The following HTR2A variants were observed in gnomAD, a reference collection of about 807,000 sequenced individuals.
HTR2A encodes the protein 5-hydroxytryptamine receptor 2A.
Under a neutral mutation model 31.0 loss-of-function variants are expected in HTR2A, and 14 were observed. The observed-to-expected ratio is 0.45, with a 90% CI of 0.30 to 0.71. The LOEUF is 0.71. HTR2A is among the 30% of genes least tolerant of loss of function. The pLI is 0.09. For missense variants in HTR2A, 442 were observed against 573.3 expected, an observed-to-expected ratio of 0.77 and a Z score of 2.34; for synonymous variants, 209 against 225.2, an observed-to-expected ratio of 0.93 and a Z score of 0.64.
At chr13:46,875,601 T>G (rs183581076) in intron 3 of HTR2A, among the ~76,000 whole-genome samples, 97 of 152,308 alleles carry the variant, frequency 6.4e-4, no homozygotes, top group Non-Finnish European at 1.1e-3. Flanking sequence ...AAAGCTATTA[T>G]AGACCCTTAA....
At chr13:46,841,886 C>T (rs1950600352) in intron 3 of HTR2A, among the ~76,000 whole-genome samples, 1 of 152,036 alleles carries the variant, frequency 6.6e-6, no homozygotes, top group South Asian at 2.1e-4. Context: ...ATTTCAGCCC[C>T]CAGACAATAT....
chr13:46,875,805 C>G (rs753973195), intron 3 of HTR2A, among the ~76,000 whole-genome samples: 1 of 152,192 alleles, frequency 6.6e-6, no homozygotes, highest in Non-Finnish European at 1.5e-5. Context: ...TCCAAAGTGG[C>G]TCTCCAAAAG....
intron 3 of HTR2A, among the ~76,000 whole-genome samples, chr13:46,844,563 C>T (rs1361765422): frequency 1.3e-5 from 2 of 152,194 alleles, no homozygotes; most frequent in African/African-American, 4.8e-5. Flanking sequence ...CGCTGTAGAA[C>T]ATGGTGCCTA....
intron 3 of HTR2A, among the ~76,000 whole-genome samples, chr13:46,888,594 A>C (rs192416957): frequency 6.6e-6 from 1 of 152,346 alleles, no homozygotes; most frequent in Non-Finnish European, 1.5e-5. Flanking sequence ...ATTCTAGAGG[A>C]AATTCTTCAG....
At chr13:46,836,221 C>T (rs1274096470) in intron 3 of HTR2A, among the ~76,000 whole-genome samples, 2 of 151,608 alleles carry the variant, frequency 1.3e-5, no homozygotes, top group South Asian at 2.1e-4. Context: ...ACAAGCATGG[C>T]TTATATATAA....
chr13:46,845,106 A>C (rs1950630988), intron 3 of HTR2A, among the ~76,000 whole-genome samples: 1 of 152,210 alleles, frequency 6.6e-6, no homozygotes, highest in Non-Finnish European at 1.5e-5. Flanking sequence ...CCCAAGTTCA[A>C]TATAATCATG....
At chr13:46,897,443 T>G (rs1235588414), upstream of HTR2A, among the ~76,000 whole-genome samples, 5 of 152,186 alleles carry the variant, frequency 3.3e-5, no homozygotes, top group Admixed American at 2.6e-4. Context: ...TGGTGATAAC[T>G]CTGATAAACT....
chr13:46,856,610 A>C (rs140159845), intron 3 of HTR2A, among the ~76,000 whole-genome samples: 2 of 152,008 alleles, frequency 1.3e-5, no homozygotes, highest in African/African-American at 4.8e-5. Flanking sequence ...AAAAAAATAC[A>C]AAAAAACACT....
rs1361889395 is a variant in HTR2A at position 46,833,995 on chromosome 13, C to T, written c.*842G>A. The stretch of plus-strand genomic sequence containing the variant: ...CATGCATGATGCAGTCATTTCACAG[C>T]AAGTTACCAAATACCTCGATAGTGC... On this transcript the variant is annotated 3_prime_UTR_variant, in exon 4 of 4. Transcript: ENST00000542664. The T allele has an allele frequency of 6.6e-6, 1 of 152,226 alleles. No individual in the cohort carries two copies. The allele number at this position is 152,226 out of a possible 1,614,324, so 9.4% of individuals were successfully genotyped here. A position where few individuals can be genotyped will look rare whatever the true frequency, so the allele number is the denominator to read the frequency against.
At chr13:46,855,830 G>A (rs922309633) in intron 3 of HTR2A, among the ~76,000 whole-genome samples, 34 of 152,186 alleles carry the variant, frequency 2.2e-4, no homozygotes, top group African/African-American at 8.2e-4. Flanking sequence ...GTTTAATGTG[G>A]TGTATTGTGT....
chr13:46,861,016 T>G (rs555294417), intron 3 of HTR2A, among the ~76,000 whole-genome samples: 13 of 152,218 alleles, frequency 8.5e-5, no homozygotes, highest in Admixed American at 2.6e-4. Flanking sequence ...AAAAGGTTGA[T>G]TACTTAAAAT....
chr13:46,890,902 G>T (rs12584920), intron 3 of HTR2A, among the ~76,000 whole-genome samples: 22,430 of 152,190 alleles, frequency 0.15, 2,131 homozygotes, highest in Non-Finnish European at 0.2. Flanking sequence ...AATTAAATCA[G>T]AATGTTCCCA....
intron 3 of HTR2A, among the ~76,000 whole-genome samples, chr13:46,865,752 A>AT (rs1950813918): frequency 6.6e-6 from 1 of 152,260 alleles, no homozygotes; most frequent in Admixed American, 6.5e-5. Flanking sequence ...TCTATTGGAC[A>AT]ACACAGAACT....
intron 3 of HTR2A, among the ~76,000 whole-genome samples, chr13:46,886,975 C>A (rs907523970): frequency 3.3e-5 from 5 of 152,136 alleles, no homozygotes; most frequent in Non-Finnish European, 5.9e-5. Flanking sequence ...TTATAAGAAC[C>A]TTGCCTTAAA....
At chr13:46,869,475 G>A (rs544977167) in intron 3 of HTR2A, among the ~76,000 whole-genome samples, 16 of 152,134 alleles carry the variant, frequency 1.1e-4, no homozygotes, top group African/African-American at 2.2e-4. Context: ...CGTTGATGGC[G>A]GAAGTGTAAA....
chr13:46,835,221 G>T lies in HTR2A; in HGVS notation c.1032C>A (p.Ile344=). The part of the protein sequence containing the change: ...VMWCPFFITN[I]MAVICKESCN... The stretch of plus-strand genomic sequence containing the variant: ...AGGACTCTTTGCAGATGACGGCCAT[G>T]ATGTTTGTGATGAAGAAAGGGCACC... Residue 344 remains isoleucine (I), a synonymous_variant, in exon 4 of 4, where the codon ATC becomes ATA. Transcript: ENST00000542664. 6.2e-7 allele frequency: 1 copy of T among 1,614,122 alleles called. No individual in the cohort carries two copies. The highest frequency in any genetic ancestry group is 1.1e-5 in the South Asian group (1 of 91,076).
intron 3 of HTR2A, among the ~76,000 whole-genome samples, chr13:46,867,732 T>A (rs1950829201): frequency 1.3e-5 from 2 of 152,226 alleles, no homozygotes; most frequent in Non-Finnish European, 2.9e-5. Flanking sequence ...CCTCTTTACA[T>A]CACCCTGTGA....
intron 3 of HTR2A, among the ~76,000 whole-genome samples, chr13:46,887,892 C>T (rs192775436): frequency 8.8e-4 from 108 of 122,388 alleles, no homozygotes; most frequent in African/African-American, 3.1e-3. Flanking sequence ...TGGTGGGGAT[C>T]AACACACACT....
chr13:46,857,960 G>C (rs1369628561), intron 3 of HTR2A, among the ~76,000 whole-genome samples: 2 of 152,158 alleles, frequency 1.3e-5, no homozygotes, highest in Non-Finnish European at 2.9e-5. Flanking sequence ...GGGTGGATTA[G>C]AGGGAAACTA....
Sources: gnomAD v4.1 joint callset for allele counts (sites outside exome capture counted in the v4.1 genomes callset) on GRCh38, gnomAD v4.1.1 for gene constraint, MANE v1.5 for transcripts, NCBI Gene and HGNC (gene_info 2026-07-23, HGNC 2026-07-21) for gene names.